FRRS1L: variants seen among roughly 807,000 people sequenced by gnomAD.
FRRS1L encodes the protein ferric chelate reductase 1 like.
In FRRS1L, 22 loss-of-function variants were observed where a neutral mutation model predicts 28.6. That is an observed-to-expected ratio of 0.77 (90% CI 0.55 to 1.10). FRRS1L has a LOEUF of 1.10. Among genes scored for constraint, FRRS1L ranks in the 50% least tolerant of loss-of-function variants. FRRS1L has a pLI of 0.00. For synonymous variants in FRRS1L, 158 were observed against 151.4 expected (o/e 1.04, Z -0.32); for missense variants, 380 against 386.9 (o/e 0.98, Z 0.15).
At chr9:109,151,925 G>A (rs1288349209) in intron 1 of FRRS1L, 1 of 152,162 alleles carries the variant, frequency 6.6e-6, no homozygotes, top group Non-Finnish European at 1.5e-5. Flanking sequence ...ATTTGTCTCA[G>A]AATATTTATC....
Position 109,133,955 on chromosome 9 carries a change from ATGGTCAAAGGCCATTCTGTATCAC to A in FRRS1L, c.*3476_*3499del, listed in dbSNP as rs1469423768. The A allele has an allele frequency of 6.6e-6, 1 of 152,228 alleles. No individual in the cohort carries two copies. The highest frequency in any genetic ancestry group is 1.5e-5 in the Non-Finnish European group (1 of 68,044). The allele number at this position is 152,228 out of a possible 1,614,324, so 9.4% of individuals were successfully genotyped here. On this transcript the variant is annotated 3_prime_UTR_variant, in exon 5 of 5. Transcript: ENST00000561981. ...TATCGACTGCTAGTTCTCTGAGATAATGGTCAAAGGCCATTCTGTATCACTGGTGTGAATTCTTATTTCTGAAAA... is the reference window on the plus strand; with the variant it reads ...TATCGACTGCTAGTTCTCTGAGATAATGGTGTGAATTCTTATTTCTGAAAA...
In FRRS1L at chr9:109,135,390, T is replaced by C. The variant is rs1831100158; in HGVS notation, c.*2065A>G. 1 of 152,244 alleles carries C rather than the reference T, an allele frequency of 6.6e-6. No homozygotes were observed. Among genetic ancestry groups the C allele is most frequent in the African/African-American group, 2.4e-5 (1 of 41,468 alleles). The allele number at this position is 152,244 out of a possible 1,614,324, so 9.4% of individuals were successfully genotyped here. A position where few individuals can be genotyped will look rare whatever the true frequency, so the allele number is the denominator to read the frequency against. On this transcript the variant is annotated 3_prime_UTR_variant, in exon 5 of 5. Transcript: ENST00000561981. ...CAAAGGAGTCCTTTGGGGCGCCTAA[T>C]GTCAAGGCATTACTATGAATTATGC...
rs561691842 is a variant in FRRS1L, at chr9:109,136,677, C to A, written c.*778G>T. On this transcript the variant is annotated 3_prime_UTR_variant, in exon 5 of 5. Coordinates refer to ENST00000561981, the MANE Select transcript of FRRS1L (RefSeq NM_014334.4). ...CTGGGATTATAGGTGTGCACCACCA[C>A]GCCTGGCTCATTTTTGTACTTTTTA... 1 of 152,202 alleles carries A rather than the reference C, an allele frequency of 6.6e-6. No individual in the cohort carries two copies. Among genetic ancestry groups the A allele is most frequent in the South Asian group, 2.1e-4 (1 of 4,822 alleles). 9.4% of individuals were successfully genotyped at this position (152,202 alleles called of 1,614,324 possible). A position where few individuals can be genotyped will look rare whatever the true frequency, so the allele number is the denominator to read the frequency against.
At chr9:109,141,183 T>C (rs1412889195) in intron 4 of FRRS1L, 160 bp downstream of exon 4, 10 of 697,078 alleles carry the variant, frequency 1.4e-5, no homozygotes, top group Admixed American at 2.8e-5. Context: ...TTATAATAAG[T>C]CCATTATAAC....
chr9:109,150,535 C>T (rs1228445419), intron 1 of FRRS1L: 1 of 152,170 alleles, frequency 6.6e-6, no homozygotes, highest in Non-Finnish European at 1.5e-5. Context: ...ATTCTTTAAA[C>T]ACATAATTTC....
chr9:109,149,382 A>C lies in FRRS1L; in HGVS notation c.323+254T>G, dbSNP rs189710381. On this transcript the variant is annotated intron_variant, in intron 2 of 4. Coordinates refer to ENST00000561981, the MANE Select transcript of FRRS1L (RefSeq NM_014334.4). ...TTCTGCATATCAGCAATTGGTGAGT[A>C]GGAGACACCTGGAGCAATGGTGGTA... Among the ~76,000 whole-genome samples the C allele has an allele frequency of 2.6e-5, 4 of 152,348 alleles. No individual in the cohort carries two copies. The East Asian group carries it at 7.7e-4, about 29-fold the overall frequency.
At position 109,132,842 on chromosome 9, in the gene FRRS1L, A is replaced by G. The variant is rs914687251; in HGVS notation, c.*4613T>C. On this transcript the variant is annotated 3_prime_UTR_variant, in exon 5 of 5. Transcript: ENST00000561981. Reference sequence around the variant, plus strand: ...TATTGGAACATAGCCATGCTCATTCATTTATGTATTGTTTATAGCAGAGCC... The same window carrying G: ...TATTGGAACATAGCCATGCTCATTCGTTTATGTATTGTTTATAGCAGAGCC... 1.1e-4 allele frequency: 16 copies of G among 152,230 alleles called. No homozygotes were observed. Among genetic ancestry groups the G allele is most frequent in the Non-Finnish European group, 1.5e-4 (10 of 68,034 alleles). The allele number at this position is 152,230 out of a possible 1,614,324, so 9.4% of individuals were successfully genotyped here.
In FRRS1L at chr9:109,141,389, C is replaced by T. The variant is rs1485238758; in HGVS notation, c.663G>A (p.Leu221=). 3.1e-6 allele frequency: 5 copies of T among 1,614,118 alleles called. No individual in the cohort carries two copies. In the Admixed American group the frequency reaches 8.3e-5, roughly 27 times the overall value. Residue 221 remains leucine (L), a synonymous_variant, in exon 4 of 5, where the codon CTG becomes CTA. Coordinates refer to ENST00000561981, the MANE Select transcript of FRRS1L (RefSeq NM_014334.4). ...CAAACAGATAATACCAACTCAAATGCAGATCAACAATTGTTTCATCTCTGG... is the reference window on the plus strand; with the variant it reads ...CAAACAGATAATACCAACTCAAATGTAGATCAACAATTGTTTCATCTCTGG... ...NVPRDETIVD[L]HLSWYYLFAW...
At position 109,136,786 on chromosome 9, in the gene FRRS1L, G is replaced by A. The variant is rs1831117633; in HGVS notation, c.*669C>T. The A allele has an allele frequency of 6.6e-6, 1 of 152,196 alleles. No homozygotes were observed. Among genetic ancestry groups the A allele is most frequent in the African/African-American group, 2.4e-5 (1 of 41,444 alleles). 9.4% of individuals were successfully genotyped at this position (152,196 alleles called of 1,614,324 possible). ...GACCTGCCCGTCTTGGCCTCCTAAA[G>A]TGCTGGGATCACAGGCGTGAGCCAC... On this transcript the variant is annotated 3_prime_UTR_variant, in exon 5 of 5. Transcript: ENST00000561981.
At chr9:109,146,599 A>G (rs1050922899) in intron 3 of FRRS1L, among the ~76,000 whole-genome samples, 5 of 152,186 alleles carry the variant, frequency 3.3e-5, no homozygotes, top group Admixed American at 2.0e-4. Context: ...TTTCCCTCTT[A>G]TAAGTGGTTC....
chr9:109,158,844 G>A (rs1180991427), intron 1 of FRRS1L, among the ~76,000 whole-genome samples: 1 of 152,234 alleles, frequency 6.6e-6, no homozygotes, highest in African/African-American at 2.4e-5. Flanking sequence ...GAGTAGAAAT[G>A]CTGCATCATA....
chr9:109,166,951 T>C lies in FRRS1L; in HGVS notation c.188A>G (p.Tyr63Cys). 7.6e-7 allele frequency: 1 copy of C among 1,311,550 alleles called. No homozygotes were observed. Among genetic ancestry groups the C allele is most frequent in the Non-Finnish European group, 9.8e-7 (1 of 1,017,706 alleles). The allele number at this position is 1,311,550 out of a possible 1,614,324, so 81.2% of individuals were successfully genotyped here. The change falls in exon 1 of 5, where the codon TAC (tyrosine) becomes TGC (cysteine). Residue 63 changes from tyrosine (Y) to cysteine (C), a missense_variant. Tyr to Cys is a radical substitution (Grantham distance 194). Coordinates refer to ENST00000561981, the MANE Select transcript of FRRS1L (RefSeq NM_014334.4). ...DEAVPRHDSS[Y>C]GTFAGEFYDL... ...GTAGAACTCCCCCGCGAAGGTGCCG[T>C]AGGAGGAGTCGTGGCGCGGCACCGC...
rs1352610645 is a variant in FRRS1L, at chr9:109,130,384, T to G, written c.*7071A>C. The G allele has an allele frequency of 6.6e-6, 1 of 152,240 alleles. No individual in the cohort carries two copies. The highest frequency in any genetic ancestry group is 2.4e-5 in the African/African-American group (1 of 41,462). 9.4% of individuals were successfully genotyped at this position (152,240 alleles called of 1,614,324 possible). On this transcript the variant is annotated 3_prime_UTR_variant, in exon 5 of 5. Coordinates refer to ENST00000561981, the MANE Select transcript of FRRS1L (RefSeq NM_014334.4). ...TTTTAAAGTTTAAATCTAATTAATA[T>G]ATTCTGACTAACATAATCATCCAAA...
At chr9:109,153,819 T>A (rs1408249870) in intron 1 of FRRS1L, among the ~76,000 whole-genome samples, 1 of 152,200 alleles carries the variant, frequency 6.6e-6, no homozygotes. Flanking sequence ...ATTTTTTTCC[T>A]GAAATTAAAT....
chr9:109,145,496 G>A (rs578066299), intron 3 of FRRS1L, among the ~76,000 whole-genome samples: 3 of 152,288 alleles, frequency 2.0e-5, no homozygotes, highest in African/African-American at 7.2e-5. Flanking sequence ...CCAGGAGTTC[G>A]AGACCAGCCT....
rs1831117580 is a variant in FRRS1L at position 109,136,783 on chromosome 9, A to C, written c.*672T>G. On this transcript the variant is annotated 3_prime_UTR_variant, in exon 5 of 5. Coordinates refer to ENST00000561981, the MANE Select transcript of FRRS1L (RefSeq NM_014334.4). Reference sequence around the variant, plus strand: ...GGTGACCTGCCCGTCTTGGCCTCCTAAAGTGCTGGGATCACAGGCGTGAGC... The same window carrying C: ...GGTGACCTGCCCGTCTTGGCCTCCTCAAGTGCTGGGATCACAGGCGTGAGC... 6.6e-6 allele frequency: 1 copy of C among 152,204 alleles called. No homozygotes were observed. Among genetic ancestry groups the C allele is most frequent in the East Asian group, 1.9e-4 (1 of 5,194 alleles). The allele number at this position is 152,204 out of a possible 1,614,324, so 9.4% of individuals were successfully genotyped here. A position where few individuals can be genotyped will look rare whatever the true frequency, so the allele number is the denominator to read the frequency against.
At chr9:109,146,882 T>G (rs1831268476) in intron 3 of FRRS1L, among the ~76,000 whole-genome samples, 169 bp downstream of exon 3, 1 of 152,230 alleles carries the variant, frequency 6.6e-6, no homozygotes, top group Non-Finnish European at 1.5e-5. Context: ...TGGATTCTGA[T>G]AGCCAACCCT....
intron 1 of FRRS1L, among the ~76,000 whole-genome samples, chr9:109,166,319 A>G (rs1362089862): frequency 6.6e-6 from 1 of 152,154 alleles, no homozygotes; most frequent in Non-Finnish European, 1.5e-5. Flanking sequence ...GGGGACCATA[A>G]CATATGTGGC....
Position 109,166,961 on chromosome 9 carries a change from C to G in FRRS1L, c.178G>C (p.Asp60His), listed in dbSNP as rs772506414. The G allele has an allele frequency of 3.0e-5, 41 of 1,344,900 alleles. No individual in the cohort carries two copies. In the South Asian group the frequency reaches 5.0e-4, roughly 17 times the overall value. 83.3% of individuals were successfully genotyped at this position (1,344,900 alleles called of 1,614,324 possible). A position where few individuals can be genotyped will look rare whatever the true frequency, so the allele number is the denominator to read the frequency against. Reference sequence around the variant, plus strand: ...CCCGCGAAGGTGCCGTAGGAGGAGTCGTGGCGCGGCACCGCCTCGTCGGCG... The same window carrying G: ...CCCGCGAAGGTGCCGTAGGAGGAGTGGTGGCGCGGCACCGCCTCGTCGGCG... ...TGADEAVPRHDSSYGTFAGEF... is the reference protein window; with the variant it reads ...TGADEAVPRHHSSYGTFAGEF... The change falls in exon 1 of 5, where the codon GAC (aspartate) becomes CAC (histidine). Residue 60 changes from aspartate to histidine, a missense_variant. Transcript: ENST00000561981.
Sources: gnomAD v4.1 joint callset for allele counts (sites outside exome capture counted in the v4.1 genomes callset) on GRCh38, gnomAD v4.1.1 for gene constraint, MANE v1.5 for transcripts, NCBI Gene and HGNC (gene_info 2026-07-23, HGNC 2026-07-21) for gene names.